The following DENND2B variants were observed in gnomAD, a reference collection of about 807,000 sequenced individuals.
DENND2B encodes the protein DENN domain-containing protein 2B.
A neutral mutation model predicts 116.0 loss-of-function variants in DENND2B; 32 were observed. The observed-to-expected ratio is 0.28, with a 90% CI of 0.21 to 0.37. DENND2B has a LOEUF of 0.37. DENND2B is among the 10% of genes least tolerant of loss of function. The probability of loss-of-function intolerance (pLI) is 1.00; values close to 1 mark genes in which losing one functional copy is unlikely to be tolerated. For synonymous variants in DENND2B, 588 were observed against 583.9 expected, an observed-to-expected ratio of 1.01 and a Z score of -0.10; for missense variants, 1,276 against 1,477.7, an observed-to-expected ratio of 0.86 and a Z score of 2.24.
At position 8,714,105 on chromosome 11, in the gene DENND2B, C is replaced by G; in HGVS notation, c.1943-63G>C. 3.2e-6 allele frequency: 5 copies of G among 1,549,042 alleles called. No homozygotes were observed. The South Asian group carries it at 5.6e-5, about 17-fold the overall frequency. On this transcript the variant is annotated intron_variant, in intron 7 of 19. Transcript: ENST00000313726. ...TCACAGCCAATGTTTTTTGCTCCCC[C>G]ACCACCCCAGCTTTTCTCACAGGGG...
At chr11:8,892,928 G>T (rs1285504397) in intron 1 of DENND2B, among the ~76,000 whole-genome samples, 1 of 152,138 alleles carries the variant, frequency 6.6e-6, no homozygotes, top group Non-Finnish European at 1.5e-5. Context: ...ACCAAAGCCT[G>T]GCAGAGACAC....
chr11:8,871,004 G>A (rs1165958848), exon 2 of DENND2B: 1 of 151,724 alleles, frequency 6.6e-6, no homozygotes, highest in East Asian at 2.0e-4. Context: ...GGGTCTCGCC[G>A]GGAGCCGCGC....
intron 3 of DENND2B, among the ~76,000 whole-genome samples, chr11:8,728,665 A>G (rs1478759250): frequency 6.6e-6 from 1 of 152,052 alleles, no homozygotes; most frequent in African/African-American, 2.4e-5. Context: ...AACTCCCTCT[A>G]TGAGGAGCCT....
chr11:8,855,017 C>A (rs2063145154), intron 3 of DENND2B, among the ~76,000 whole-genome samples: 1 of 148,314 alleles, frequency 6.7e-6, no homozygotes, highest in Admixed American at 6.8e-5. Context: ...TAGTGGCCCA[C>A]ATAGTGGTCC....
rs550158319 is a variant in DENND2B at position 8,702,794 on chromosome 11, C to G, written c.2572-74G>C. 6.0e-5 allele frequency: 90 copies of G among 1,505,588 alleles called. No homozygotes were observed. The East Asian group carries it at 1.9e-3, about 31-fold the overall frequency. 93.3% of individuals were successfully genotyped at this position (1,505,588 alleles called of 1,614,324 possible). ...TGCCCTCTGGCCCTCCACGAAGCAA[C>G]TGGAGCTGCTTTCCCCTTCCAACCT... On this transcript the variant is annotated intron_variant, in intron 13 of 19. Coordinates refer to ENST00000313726, the MANE Select transcript of DENND2B (RefSeq NM_213618.2). The surrounding 1 kb of genome is among the most constrained non-coding windows in gnomAD (Gnocchi z 4.6).
chr11:8,887,214 T>C (rs2063971297), intron 1 of DENND2B, among the ~76,000 whole-genome samples: 1 of 152,240 alleles, frequency 6.6e-6, no homozygotes, highest in African/African-American at 2.4e-5. Context: ...CTTTCTTACA[T>C]TTATATAGCA....
chr11:8,750,036 T>G (rs191090989), intron 2 of DENND2B, among the ~76,000 whole-genome samples: 1 of 152,330 alleles, frequency 6.6e-6, no homozygotes, highest in East Asian at 1.9e-4. Flanking sequence ...TCTCATTTAG[T>G]CCTCAGAGAA....
At chr11:8,739,572 T>C (rs550016612) in intron 2 of DENND2B, among the ~76,000 whole-genome samples, 7 of 152,280 alleles carry the variant, frequency 4.6e-5, no homozygotes, top group Non-Finnish European at 7.3e-5. Context: ...CTCTCTGTTA[T>C]TCTACAATCC....
chr11:8,708,181 G>T (rs781094963), intron 11 of DENND2B: 670 of 1,275,040 alleles, frequency 5.3e-4, no homozygotes, highest in Non-Finnish European at 6.3e-4. Flanking sequence ...GGGTGTCTGT[G>T]GATTCATAGC....
At chr11:8,905,948 T>G (rs938644662) in intron 1 of DENND2B, among the ~76,000 whole-genome samples, 1 of 151,632 alleles carries the variant, frequency 6.6e-6, no homozygotes, top group Non-Finnish European at 1.5e-5. Flanking sequence ...AGATTCCATC[T>G]ATATGAATTG....
At chr11:8,789,398 T>TCA (rs1292948751) in intron 1 of DENND2B, among the ~76,000 whole-genome samples, 4 of 152,150 alleles carry the variant, frequency 2.6e-5, no homozygotes, top group Admixed American at 2.6e-4. Flanking sequence ...ATGCCAAAGG[T>TCA]CACACACAGA....
At chr11:8,901,969 G>A (rs577117871) in intron 1 of DENND2B, among the ~76,000 whole-genome samples, 6 of 152,260 alleles carry the variant, frequency 3.9e-5, no homozygotes, top group African/African-American at 1.2e-4. Flanking sequence ...GTGTCAAGGT[G>A]GCTGACAGTA....
At chr11:8,781,501 G>A (rs891830513) in intron 1 of DENND2B, among the ~76,000 whole-genome samples, 1 of 152,154 alleles carries the variant, frequency 6.6e-6, no homozygotes, top group African/African-American at 2.4e-5. Context: ...ATTACACTGG[G>A]CAAGATGATA....
At chr11:8,765,183 G>C (rs1310279359) in intron 1 of DENND2B, among the ~76,000 whole-genome samples, 1 of 152,148 alleles carries the variant, frequency 6.6e-6, no homozygotes, top group East Asian at 1.9e-4. Context: ...AATGCAGTCT[G>C]CTGGAGCTGA....
chr11:8,896,885 A>T (rs2064108649), intron 1 of DENND2B, among the ~76,000 whole-genome samples: 1 of 152,214 alleles, frequency 6.6e-6, no homozygotes. Flanking sequence ...ATCAGGATAT[A>T]ACTCCTTCCT....
chr11:8,717,870 T>C lies in DENND2B; in HGVS notation c.1500A>G (p.Pro500=), dbSNP rs2045228004. The change falls in exon 5 of 20, where the codon CCA becomes CCG. Residue 500 remains proline (P), a synonymous_variant. Coordinates refer to ENST00000313726, the MANE Select transcript of DENND2B (RefSeq NM_213618.2). The stretch of plus-strand genomic sequence containing the variant: ...GGCTCTTTAAGTCCACATCCTCATA[T>C]GGATTCTCCTTGGGCAGATCTCCTG... ...DIVGDLPKEN[P]YEDVDLKSRR... 1 of 1,612,100 alleles carries C rather than the reference T, an allele frequency of 6.2e-7. No individual in the cohort carries two copies. The highest frequency in any genetic ancestry group is 1.7e-5 in the Admixed American group (1 of 59,412).
chr11:8,904,661 A>G (rs572951949), intron 1 of DENND2B, among the ~76,000 whole-genome samples: 1 of 152,322 alleles, frequency 6.6e-6, no homozygotes, highest in Non-Finnish European at 1.5e-5. Flanking sequence ...CAGTATACAG[A>G]AAATCCTAAA....
intron 1 of DENND2B, among the ~76,000 whole-genome samples, chr11:8,901,044 C>A (rs1396276494): frequency 6.6e-6 from 1 of 151,298 alleles, no homozygotes; most frequent in African/African-American, 2.4e-5. Flanking sequence ...AGCCACCACA[C>A]CTGGCCCAAA....
intron 3 of DENND2B, among the ~76,000 whole-genome samples, chr11:8,857,090 A>G (rs1310842526): frequency 2.0e-5 from 3 of 152,160 alleles, no homozygotes; most frequent in African/African-American, 7.2e-5. Context: ...GTTATCTTGT[A>G]TCCCTCCTGT....
Sources: gnomAD v4.1 joint callset for allele counts (sites outside exome capture counted in the v4.1 genomes callset) on GRCh38, gnomAD v4.1.1 for gene constraint, Gnocchi (gnomAD v3.1) non-coding constraint, MANE v1.5 for transcripts, NCBI Gene and HGNC (gene_info 2026-07-23, HGNC 2026-07-21) for gene names.